The following ARL14EPL variants were observed in gnomAD, a reference collection of about 807,000 sequenced individuals.
ARL14EPL encodes ARL14 effector protein-like.
ARL14EPL carries 17 observed loss-of-function variants against 15.9 expected under a neutral mutation model. The ratio of observed to expected loss-of-function variants is 1.07; its 90% CI spans 0.73 to 1.60. The LOEUF is 1.60. Ranked by LOEUF, ARL14EPL falls within the 40% of genes most tolerant of loss-of-function variation. The pLI, the probability that ARL14EPL is intolerant of heterozygous loss-of-function variation, is 0.00. For synonymous variants in ARL14EPL, 78 were observed against 63.8 expected, an observed-to-expected ratio of 1.22 and a Z score of -1.06; for missense variants, 214 against 185.9, an observed-to-expected ratio of 1.15 and a Z score of -0.88.
At chr5:116,036,929 AAGAT>A (rs1749058877) in intron 1 of ARL14EPL, among the ~76,000 whole-genome samples, 1 of 126,450 alleles carries the variant, frequency 7.9e-6, no homozygotes, top group Non-Finnish European at 1.8e-5. Flanking sequence ...AAGGCAATTA[AAGAT>A]TTTTTTTTTT....
At chr5:116,046,417 A>T (rs1749269145) in intron 1 of ARL14EPL, among the ~76,000 whole-genome samples, 1 of 152,234 alleles carries the variant, frequency 6.6e-6, no homozygotes, top group Admixed American at 6.5e-5. Context: ...CTGCCACAGC[A>T]TCCTAAACAT....
At chr5:116,045,745 AGTGTGTGTGTGTGTGT>A (rs56960751) in intron 1 of ARL14EPL, among the ~76,000 whole-genome samples, 2 of 148,650 alleles carry the variant, frequency 1.3e-5, no homozygotes, top group East Asian at 2.0e-4. Flanking sequence ...GACCCACAGA[AGTGTGTGTGTGTGTGT>A]GTGTGTGTGT....
At chr5:116,051,731 G>C (rs939713573) in intron 2 of ARL14EPL, among the ~76,000 whole-genome samples, 170 bp downstream of exon 2, 1 of 152,184 alleles carries the variant, frequency 6.6e-6, no homozygotes, top group Non-Finnish European at 1.5e-5. Context: ...CTCACTGCGG[G>C]CTGCTCTCGC....
At chr5:116,040,979 C>CAAAAAAAAA (rs56060606) in intron 1 of ARL14EPL, among the ~76,000 whole-genome samples, 949 of 66,050 alleles carry the variant, frequency 0.014, 68 homozygotes, top group African/African-American at 0.06. Context: ...GATTCCCTCT[C>CAAAAAAAAA]AAAAAAAAAA....
At chr5:116,053,113 G>A (rs1749428716) in intron 2 of ARL14EPL, among the ~76,000 whole-genome samples, 1 of 152,124 alleles carries the variant, frequency 6.6e-6, no homozygotes, top group African/African-American at 2.4e-5. Flanking sequence ...GGGAGCCCAA[G>A]GCAGATGGTG....
intron 3 of ARL14EPL, among the ~76,000 whole-genome samples, chr5:116,056,321 C>G (rs1264022576): frequency 6.6e-6 from 1 of 152,116 alleles, no homozygotes; most frequent in Non-Finnish European, 1.5e-5. Flanking sequence ...TGTTTCCTGA[C>G]TTTTTAATGA....
chr5:116,035,831 T>C (rs956926), intron 1 of ARL14EPL, among the ~76,000 whole-genome samples: 67,325 of 152,020 alleles, frequency 0.44, 15,824 homozygotes, highest in African/African-American at 0.6. Flanking sequence ...GTGGGGAACA[T>C]ACTAAGCTGG....
intron 2 of ARL14EPL, chr5:116,051,886 A>T: frequency 1.5e-6 from 2 of 1,331,976 alleles, no homozygotes; most frequent in Non-Finnish European, 2.1e-6. Flanking sequence ...TTATTTTTCC[A>T]AATGTACAGC....
At chr5:116,057,824 T>G (rs1749556318) in intron 3 of ARL14EPL, among the ~76,000 whole-genome samples, 2 of 152,174 alleles carry the variant, frequency 1.3e-5, no homozygotes, top group African/African-American at 4.8e-5. Context: ...TGCAGGAGTA[T>G]TATACATAAT....
intron 1 of ARL14EPL, among the ~76,000 whole-genome samples, chr5:116,047,401 A>G (rs1749287641): frequency 6.6e-6 from 1 of 152,232 alleles, no homozygotes; most frequent in Non-Finnish European, 1.5e-5. Flanking sequence ...TTAAAAGGAC[A>G]TAGTACTGGG....
At position 116,051,963 on chromosome 5, in the gene ARL14EPL, A is replaced by G. The variant is rs1749392322; in HGVS notation, c.96+402A>G. The G allele has an allele frequency of 5.6e-6, 9 of 1,611,550 alleles. No individual in the cohort carries two copies. The South Asian group carries it at 9.9e-5, about 18-fold the overall frequency. On this transcript the variant is annotated intron_variant, in intron 2 of 3. Transcript: ENST00000686077. The stretch of plus-strand genomic sequence containing the variant: ...TCTCCACCCTTGGTATTTCTGGTGT[A>G]AATTACTTGAGCTCTGTGCTTTGAA...
chr5:116,051,620 T>G, intron 2 of ARL14EPL, 59 bp downstream of exon 2: 15 of 1,364,076 alleles, frequency 1.1e-5, no homozygotes, highest in Non-Finnish European at 1.4e-5. Context: ...CGAGGATCTC[T>G]GAGATGCCCA....
At chr5:116,039,684 GA>G (rs759087848) in intron 1 of ARL14EPL, among the ~76,000 whole-genome samples, 75 of 149,366 alleles carry the variant, frequency 5.0e-4, no homozygotes, top group Non-Finnish European at 9.4e-4. Context: ...ATATGACATA[GA>G]AAAAAAAACA....
intron 1 of ARL14EPL, among the ~76,000 whole-genome samples, chr5:116,042,018 A>G (rs1031928882): frequency 1.3e-5 from 2 of 151,980 alleles, no homozygotes; most frequent in African/African-American, 4.8e-5. Context: ...TTGTAAAGAC[A>G]GGGGGTCTCA....
intron 3 of ARL14EPL, among the ~76,000 whole-genome samples, chr5:116,056,186 T>C (rs894093371): frequency 2.6e-5 from 4 of 151,986 alleles, no homozygotes; most frequent in African/African-American, 9.7e-5. Flanking sequence ...CTGGGTCAAA[T>C]GGTATTTCTA....
chr5:116,040,797 C>T (rs1464790217), intron 1 of ARL14EPL, among the ~76,000 whole-genome samples: 1 of 144,670 alleles, frequency 6.9e-6, no homozygotes, highest in African/African-American at 2.6e-5. Context: ...GGTGAAACCC[C>T]GTCTCTACTA....
chr5:116,051,000 G>T (rs1749364724), intron 1 of ARL14EPL: 1 of 152,516 alleles, frequency 6.6e-6, no homozygotes, highest in African/African-American at 2.4e-5. Context: ...TGAGTGAGGA[G>T]ATCAAGGCTT....
chr5:116,053,149 G>A (rs1459144100), intron 2 of ARL14EPL, among the ~76,000 whole-genome samples: 2 of 151,996 alleles, frequency 1.3e-5, no homozygotes, highest in Middle Eastern at 3.2e-3. Context: ...GGAATTCAAG[G>A]CCAGCCTGGG....
intron 1 of ARL14EPL, among the ~76,000 whole-genome samples, chr5:116,046,959 T>C (rs1749278739): frequency 6.6e-6 from 1 of 152,130 alleles, no homozygotes. Context: ...AGCCTGTCTT[T>C]CTCTGTGTGC....
Sources: allele counts gnomAD v4.1 joint callset (sites outside exome capture counted in the v4.1 genomes callset), GRCh38; gene constraint gnomAD v4.1.1; transcripts MANE v1.5; gene names NCBI Gene and HGNC (gene_info 2026-07-23, HGNC 2026-07-21).